TOP2B: variants seen among roughly 807,000 people sequenced by gnomAD.
The protein encoded by TOP2B is DNA topoisomerase II beta.
TOP2B carries 51 observed loss-of-function variants against 193.5 expected under a neutral mutation model. The observed-to-expected ratio is 0.26, with a 90% CI of 0.21 to 0.33. TOP2B has a LOEUF of 0.33. Ranked by LOEUF, TOP2B falls within the 10% of genes least tolerant of loss-of-function variation. The pLI is 1.00. For synonymous variants in TOP2B, 634 were observed against 635.7 expected (o/e 1.00, Z 0.04); for missense variants, 1,378 against 1,909.3 (o/e 0.72, Z 5.19).
At chr3:25,605,989 T>C in intron 32 of TOP2B, 54 bp downstream of exon 32, 1 of 1,015,778 alleles carries the variant, frequency 9.8e-7, no homozygotes, top group Non-Finnish European at 1.3e-6. Flanking sequence ...CTGTTTTCTC[T>C]CCACCACTAA....
At position 25,628,890 on chromosome 3, in the gene TOP2B, T is replaced by G; in HGVS notation, c.1863A>C (p.Lys621Asn). ...TCCAGGCTTTCTGGTTTTCTATATG[T>G]TTTTTCCATTCGTCAAATTCAGGAA... ...YSIPEFDEWK[K>N]HIENQKAWKI... Residue 621 changes from lysine to asparagine, a missense_variant, in exon 15 of 36, where the codon AAA becomes AAC. This residue lies in a region of TOP2B where 379 missense variants were observed against 615.1 expected (regional missense o/e 0.62). Transcript: ENST00000264331. 6.3e-7 allele frequency: 1 copy of G among 1,597,788 alleles called. No individual in the cohort carries two copies. Among genetic ancestry groups the G allele is most frequent in the East Asian group, 2.2e-5 (1 of 44,566 alleles).
intron 23 of TOP2B, among the ~76,000 whole-genome samples, chr3:25,619,234 T>G (rs1232736487): frequency 6.6e-6 from 1 of 152,148 alleles, no homozygotes; most frequent in Non-Finnish European, 1.5e-5. Flanking sequence ...CCCCATATAT[T>G]CTGTGTATAC....
chr3:25,657,780 G>A (rs1029069411), intron 1 of TOP2B, among the ~76,000 whole-genome samples: 14 of 152,092 alleles, frequency 9.2e-5, no homozygotes, highest in Admixed American at 2.0e-4. Context: ...ATAATTCACC[G>A]GCTGGGCGCG....
chr3:25,618,916 C>A (rs937847409), intron 23 of TOP2B, 67 bp from the exon 24 acceptor site: 2 of 1,180,942 alleles, frequency 1.7e-6, no homozygotes, highest in Non-Finnish European at 2.3e-6. Flanking sequence ...TATATAACAT[C>A]TACAATACTT....
In TOP2B at chr3:25,636,101, A is replaced by C; in HGVS notation, c.687T>G (p.His229Gln). The C allele has an allele frequency of 6.2e-7, 1 of 1,609,388 alleles. No individual in the cohort carries two copies. Among genetic ancestry groups the C allele is most frequent in the Non-Finnish European group, 8.5e-7 (1 of 1,177,258 alleles). The change falls in exon 7 of 36, where the codon CAT (histidine) becomes CAG (glutamine). Residue 229 changes from histidine (H) to glutamine (Q), a missense_variant. Around this residue, in one of 9 missense-constraint regions of TOP2B, gnomAD observed 222 missense variants for 306.6 expected, o/e 0.72. Transcript: ENST00000264331. ...MMKTSEAKIK[H>Q]FDGEDYTCIT... ...TGCATGTGTAATCTTCACCATCAAA[A>C]TGTTTAATTTTGGCTTCAGAAGTCT...
intron 1 of TOP2B, among the ~76,000 whole-genome samples, chr3:25,659,159 C>T (rs918225884): frequency 2.6e-5 from 4 of 152,098 alleles, no homozygotes; most frequent in African/African-American, 9.7e-5. Context: ...TCTCTCTTTT[C>T]TCCCTCAAGG....
rs1702307238 is a variant in TOP2B at position 25,609,169 on chromosome 3, AT to A, written c.4093+13del. 4 of 1,595,256 alleles carry A rather than the reference AT, an allele frequency of 2.5e-6. No homozygotes were observed. Among genetic ancestry groups the A allele is most frequent in the South Asian group, 1.1e-5 (1 of 88,392 alleles). On this transcript the variant is annotated intron_variant, in intron 30 of 35. Coordinates refer to ENST00000264331, the MANE Select transcript of TOP2B (RefSeq NM_001330700.2). ...AAACTATAATATACAGTAATATTAAATGTGTTACAATACCTGCTGCTCTCCT... is the reference window on the plus strand; with the variant it reads ...AAACTATAATATACAGTAATATTAAAGTGTTACAATACCTGCTGCTCTCCT...
intron 30 of TOP2B, among the ~76,000 whole-genome samples, chr3:25,608,673 T>C (rs935989974): frequency 4.6e-5 from 7 of 152,174 alleles, no homozygotes; most frequent in African/African-American, 1.7e-4. Context: ...TCAACACTTC[T>C]CCTTAATGAA....
At chr3:25,608,899 C>T (rs1033505965) in intron 30 of TOP2B, among the ~76,000 whole-genome samples, 9 of 152,114 alleles carry the variant, frequency 5.9e-5, no homozygotes, top group African/African-American at 2.2e-4. Context: ...TCTATCATTG[C>T]TGGTATTGTG....
intron 8 of TOP2B, 43 bp from the exon 9 acceptor site, chr3:25,632,837 T>C: frequency 6.6e-7 from 1 of 1,510,040 alleles, no homozygotes; most frequent in Non-Finnish European, 9.2e-7. Context: ...CCTGTATTGT[T>C]AAAGTAGCAA....
At chr3:25,633,647 T>C (rs1703022745) in intron 8 of TOP2B, among the ~76,000 whole-genome samples, 194 bp downstream of exon 8, 1 of 152,192 alleles carries the variant, frequency 6.6e-6, no homozygotes, top group African/African-American at 2.4e-5. Flanking sequence ...TAAATTTATT[T>C]CTCAATAATT....
rs897277616 is a variant in TOP2B, at chr3:25,664,576, G to A, written c.-279C>T. The stretch of plus-strand genomic sequence containing the variant: ...AAGCAGGGAGCGACCGGCGGCGGCC[G>A]AGCGGCGGCGTTGCCTTCTCGCCCG... On this transcript the variant is annotated 5_prime_UTR_variant, in exon 1 of 36. Transcript: ENST00000264331. The A allele has an allele frequency of 3.8e-5, 40 of 1,044,426 alleles. No individual in the cohort carries two copies. In the Admixed American group the frequency reaches 1.7e-3, roughly 44 times the overall value. 64.7% of individuals were successfully genotyped at this position (1,044,426 alleles called of 1,614,324 possible).
chr3:25,600,324 T>TAAA (rs1458457306), intron 34 of TOP2B, among the ~76,000 whole-genome samples: 4 of 152,230 alleles, frequency 2.6e-5, no homozygotes, highest in Non-Finnish European at 5.9e-5. Context: ...AAGATAGACT[T>TAAA]AAATAATCTT....
intron 7 of TOP2B, among the ~76,000 whole-genome samples, chr3:25,634,676 A>G (rs1373981636): frequency 6.6e-6 from 1 of 151,258 alleles, no homozygotes; most frequent in African/African-American, 2.4e-5. Flanking sequence ...CACAGGGAAG[A>G]CCAGTGAGAA....
At chr3:25,633,315 T>C (rs75632476) in intron 8 of TOP2B, among the ~76,000 whole-genome samples, 2,742 of 152,100 alleles carry the variant, frequency 0.018, 38 homozygotes, top group Middle Eastern at 0.044. Context: ...TTATATAGGA[T>C]CCAGCAATAA....
chr3:25,615,550 C>A lies in TOP2B; in HGVS notation c.3388G>T (p.Asp1130Tyr). The change falls in exon 26 of 36, where the codon GAT becomes TAT. Residue 1130 changes from aspartate to tyrosine, a missense_variant. Around this residue, in one of 9 missense-constraint regions of TOP2B, gnomAD observed 556 missense variants for 584.2 expected, o/e 0.95. Transcript: ENST00000264331. ...GGAGTTCCTGAATCGGAGGAACTATCATCATGCTGGTTTTGTGTTTCATCC... is the reference window on the plus strand; with the variant it reads ...GGAGTTCCTGAATCGGAGGAACTATAATCATGCTGGTTTTGTGTTTCATCC... The part of the protein sequence containing the change: ...EEDETQNQHD[D>Y]SSSDSGTPSG... 2 of 1,570,954 alleles carry A rather than the reference C, an allele frequency of 1.3e-6. No homozygotes were observed. Among genetic ancestry groups the A allele is most frequent in the Admixed American group, 1.8e-5 (1 of 54,550 alleles).
chr3:25,662,486 A>G (rs1703945881), intron 1 of TOP2B, among the ~76,000 whole-genome samples: 1 of 152,236 alleles, frequency 6.6e-6, no homozygotes, highest in South Asian at 2.1e-4. Flanking sequence ...ACACTAAGTG[A>G]TCTTCACTTC....
At chr3:25,632,891 T>A in intron 8 of TOP2B, 97 bp from the exon 9 acceptor site, 1 of 1,032,186 alleles carries the variant, frequency 9.7e-7, no homozygotes, top group Non-Finnish European at 1.4e-6. Context: ...AAAAGAGTAA[T>A]AGAGTCTCAG....
In TOP2B at chr3:25,612,528, A is replaced by C. The variant is rs768648887; in HGVS notation, c.3773T>G (p.Leu1258Arg). Residue 1258 changes from leucine (L) to arginine (R), a missense_variant, in exon 28 of 36, where the codon CTG becomes CGG. Coordinates refer to ENST00000264331, the MANE Select transcript of TOP2B (RefSeq NM_001330700.2). ...GGTATGTCATACCTTCTTCTTCTTC[A>C]GCAACTTTTTGCTGGCATCTGCCTT... Reference protein sequence around the residue: ...AMKADASKKLLKKKKGDLDTA... With the variant: ...AMKADASKKLRKKKKGDLDTA... 1 of 1,608,476 alleles carries C rather than the reference A, an allele frequency of 6.2e-7. No homozygotes were observed. The highest frequency in any genetic ancestry group is 8.5e-7 in the Non-Finnish European group (1 of 1,177,620).
Sources: gnomAD v4.1 joint callset for allele counts (sites outside exome capture counted in the v4.1 genomes callset) on GRCh38, gnomAD v4.1.1 for gene constraint, gnomAD v4.1.1 regional missense constraint, MANE v1.5 for transcripts, NCBI Gene and HGNC (gene_info 2026-07-23, HGNC 2026-07-21) for gene names.